Variants in SLC25A48 observed in about 807,000 individuals in gnomAD.
SLC25A48 encodes CTC-321K16.1.
Under a neutral mutation model 32.2 loss-of-function variants are expected in SLC25A48, and 29 were observed. The ratio of observed to expected loss-of-function variants is 0.90; its 90% CI spans 0.67 to 1.23. The LOEUF is 1.23. Ranked by LOEUF, SLC25A48 falls within the 50% of genes most tolerant of loss-of-function variation. The pLI, the probability that SLC25A48 is intolerant of heterozygous loss-of-function variation, is 0.00. For missense variants in SLC25A48, 399 were observed against 422.7 expected (o/e 0.94, Z 0.49); for synonymous variants, 164 against 172.3 (o/e 0.95, Z 0.38).
chr5:135,848,764 A>C (rs1198699543), intron 2 of SLC25A48, among the ~76,000 whole-genome samples: 4 of 152,232 alleles, frequency 2.6e-5, no homozygotes, highest in African/African-American at 9.6e-5. Flanking sequence ...TGAGTGAGTC[A>C]ATAAACACAC....
chr5:135,788,869 T>C (rs1191633599), intron 3 of SLC25A48, among the ~76,000 whole-genome samples: 8 of 149,846 alleles, frequency 5.3e-5, no homozygotes, highest in African/African-American at 2.0e-4. Context: ...GAGATGGTGA[T>C]ATTACTCCCC....
intron 3 of SLC25A48, among the ~76,000 whole-genome samples, chr5:135,768,848 C>T (rs1183030875): frequency 6.6e-6 from 1 of 151,692 alleles, no homozygotes; most frequent in Non-Finnish European, 1.5e-5. Flanking sequence ...TGTAAACACC[C>T]TTTGTGTACA....
intron 4 of SLC25A48, among the ~76,000 whole-genome samples, chr5:135,829,551 G>A (rs887633675): frequency 3.9e-5 from 6 of 152,162 alleles, no homozygotes; most frequent in African/African-American, 1.2e-4. Context: ...AGGGCACTGG[G>A]ATGGTATTGG....
At position 135,607,245 on chromosome 5, in the gene SLC25A48, A is replaced by G. The variant is rs1404147968; in HGVS notation, c.-848-21992A>G. Among the ~76,000 whole-genome samples the G allele has an allele frequency of 2.0e-5, 3 of 152,222 alleles. No homozygotes were observed. The East Asian group carries it at 5.8e-4, about 29-fold the overall frequency. On this transcript the variant is annotated intron_variant, in intron 1 of 10. Transcript: ENST00000646290. ...ACACTGCTGCCCTTGAATTATCAAT[A>G]GCAAAAATAGTGGACATCAAAGGTT...
intron 1 of SLC25A48, among the ~76,000 whole-genome samples, chr5:135,614,221 T>C (rs1031867769): frequency 1.3e-5 from 2 of 152,204 alleles, no homozygotes; most frequent in Admixed American, 1.3e-4. Flanking sequence ...GATTGTCTTC[T>C]TGATTTCTTT....
At chr5:135,672,196 G>A (rs116860009) in intron 3 of SLC25A48, among the ~76,000 whole-genome samples, 1 of 152,300 alleles carries the variant, frequency 6.6e-6, no homozygotes, top group East Asian at 1.9e-4. Context: ...ACCCAATCAC[G>A]AACCCTTCTG....
chr5:135,803,826 T>C (rs1027544360), intron 3 of SLC25A48, among the ~76,000 whole-genome samples: 9 of 151,582 alleles, frequency 5.9e-5, no homozygotes, highest in Admixed American at 4.0e-4. Flanking sequence ...TAACAGTGAG[T>C]GCACATCTTG....
chr5:135,885,679 G>C (rs1762688832), intron 7 of SLC25A48, among the ~76,000 whole-genome samples: 1 of 152,182 alleles, frequency 6.6e-6, no homozygotes, highest in Admixed American at 6.5e-5. Flanking sequence ...ATAGCAGCAA[G>C]AATGAACAGG....
intron 2 of SLC25A48, among the ~76,000 whole-genome samples, chr5:135,631,912 A>G (rs1329574577): frequency 6.6e-6 from 1 of 152,204 alleles, no homozygotes; most frequent in Non-Finnish European, 1.5e-5. Flanking sequence ...TAACACTGTT[A>G]AGCAGAGGAC....
rs181342847 is a variant in SLC25A48, at chr5:135,696,475, G to T, written c.-521+61519G>T. Among the ~76,000 whole-genome samples the T allele has an allele frequency of 2.2e-3, 328 of 152,258 alleles. 2 individuals are homozygous for T. The highest frequency in any genetic ancestry group is 3.3e-3 in the Non-Finnish European group (224 of 68,032). On this transcript the variant is annotated intron_variant, in intron 3 of 10. Coordinates refer to the SLC25A48 transcript ENST00000646290. ...CTGGCAGTGAATTCCAGAAGGGCAG[G>T]GATGCTCAGTGAATGCTGGGTGAGT...
At chr5:135,706,264 G>A (rs1754505371) in intron 3 of SLC25A48, among the ~76,000 whole-genome samples, 1 of 152,162 alleles carries the variant, frequency 6.6e-6, no homozygotes, top group Non-Finnish European at 1.5e-5. Flanking sequence ...CAGGCCCTGG[G>A]TTACAAAAGT....
chr5:135,883,163 G>A, intron 7 of SLC25A48: 1 of 985,524 alleles, frequency 1.0e-6, no homozygotes, highest in South Asian at 4.7e-5. Context: ...TTTCAGCCAG[G>A]CAGGCTGTCC....
intron 3 of SLC25A48, among the ~76,000 whole-genome samples, chr5:135,663,927 A>T (rs1753464439): frequency 6.6e-6 from 1 of 152,174 alleles, no homozygotes; most frequent in African/African-American, 2.4e-5. Context: ...GCCACCTGCC[A>T]GGCACTGATG....
chr5:135,784,458 GGCT>G lies in SLC25A48; in HGVS notation c.-520-28063_-520-28061del, dbSNP rs2126625228. ...TGTTCCTAATATCCACAGTGGGAGA[GGCT>G]GTTACTCCCAATATCACAGAAAGTG... is the stretch of plus-strand genomic sequence containing the variant. On this transcript the variant is annotated intron_variant, in intron 3 of 10. Coordinates refer to the SLC25A48 transcript ENST00000646290. 1.7e-5 allele frequency among the ~76,000 whole-genome samples: 2 copies of G among 116,702 alleles called. 1 individual carries two copies. Among genetic ancestry groups the G allele is most frequent in the South Asian group, 6.1e-4 (2 of 3,266 alleles). 76.6% of individuals were successfully genotyped at this position (116,702 alleles called of 152,430 possible).
At chr5:135,855,618 T>C (rs530983436) in intron 4 of SLC25A48, among the ~76,000 whole-genome samples, 83 of 152,324 alleles carry the variant, frequency 5.4e-4, no homozygotes, top group Non-Finnish European at 9.7e-4. Flanking sequence ...TGCAAAATGC[T>C]AAGGCCCCTT....
chr5:135,745,763 C>G lies in SLC25A48; in HGVS notation c.-520-66760C>G, dbSNP rs114599153. Among the ~76,000 whole-genome samples the G allele has an allele frequency of 7.1e-3, 1,076 of 152,224 alleles. 11 individuals carry two copies. Among genetic ancestry groups the G allele is most frequent in the African/African-American group, 0.024 (1,008 of 41,518 alleles). On this transcript the variant is annotated intron_variant, in intron 3 of 10. Transcript: ENST00000646290. Reference sequence around the variant, plus strand: ...ACCATGCCTGATCCCCAGCTGTGTCCCCAGCACAGCACAGTACCTACGAGG... The same window carrying G: ...ACCATGCCTGATCCCCAGCTGTGTCGCCAGCACAGCACAGTACCTACGAGG...
chr5:135,614,534 C>G (rs1752143982), intron 1 of SLC25A48, among the ~76,000 whole-genome samples: 2 of 152,110 alleles, frequency 1.3e-5, no homozygotes, highest in Non-Finnish European at 1.5e-5. Context: ...CATATATGAC[C>G]TTTATTATGT....
chr5:135,834,611 A>G, upstream of SLC25A48: 2 of 521,454 alleles, frequency 3.8e-6, no homozygotes, highest in South Asian at 3.2e-5. Context: ...ATCCACCCAG[A>G]GTGCTGTGCC....
At chr5:135,749,403 C>T (rs1173799561) in intron 3 of SLC25A48, among the ~76,000 whole-genome samples, 1 of 151,944 alleles carries the variant, frequency 6.6e-6, no homozygotes, top group Non-Finnish European at 1.5e-5. Flanking sequence ...TTTTCCATCC[C>T]TAGTATTGGG....
Sources: gnomAD v4.1 joint callset for allele counts (sites outside exome capture counted in the v4.1 genomes callset) on GRCh38, gnomAD v4.1.1 for gene constraint, MANE v1.5 for transcripts, NCBI Gene and HGNC (gene_info 2026-07-23, HGNC 2026-07-21) for gene names.